Variants in MTA3 observed in about 807,000 individuals in gnomAD.
The protein encoded by MTA3 is metastasis associated 1 family member 3, also known as metastasis-associated protein MTA3.
MTA3 carries 34 observed loss-of-function variants against 83.5 expected under a neutral mutation model. The observed-to-expected ratio is 0.41, with a 90% CI of 0.31 to 0.54. The LOEUF is 0.54. MTA3 is among the 20% of genes least tolerant of loss of function. The probability of loss-of-function intolerance (pLI) is 0.33; values close to 1 mark genes in which losing one functional copy is unlikely to be tolerated. For synonymous variants in MTA3, 303 were observed against 252.7 expected (o/e 1.20, Z -1.89); for missense variants, 761 against 726.4 (o/e 1.05, Z -0.55).
intron 1 of MTA3, among the ~76,000 whole-genome samples, 193 bp downstream of exon 1, chr2:42,568,966 C>G (rs1678142930): frequency 6.6e-6 from 1 of 151,502 alleles, no homozygotes; most frequent in Non-Finnish European, 1.5e-5. Flanking sequence ...CACGCGGGCT[C>G]GCGAGGGCCC....
chr2:42,682,571 T>C lies in MTA3; in HGVS notation c.873T>C (p.Asn291=). The part of the protein sequence containing the change: ...EALEKYGKDF[N]DIRQDFLPWK... The stretch of plus-strand genomic sequence containing the variant: ...TGGAAAAATATGGCAAAGACTTCAA[T>C]GACATACGGCAAGATTTTGTAAGTA... Residue 291 remains asparagine, a synonymous_variant, in exon 9 of 17, where the codon AAT becomes AAC. Transcript: ENST00000405094. 1 of 1,611,446 alleles carries C rather than the reference T, an allele frequency of 6.2e-7. No homozygotes were observed. The highest frequency in any genetic ancestry group is 8.5e-7 in the Non-Finnish European group (1 of 1,178,812).
intron 3 of MTA3, among the ~76,000 whole-genome samples, chr2:42,594,728 A>ATATATATATATTTTTTTTTTT: frequency 5.0e-4 from 12 of 24,044 alleles, no homozygotes; most frequent in African/African-American, 1.8e-3. Flanking sequence ...ATATATATAT[A>ATATATATATATTTTTTTTTTT]TTTTTTTTTT....
chr2:42,741,291 G>A (rs1245519914), intron 16 of MTA3, among the ~76,000 whole-genome samples: 3 of 152,174 alleles, frequency 2.0e-5, no homozygotes, highest in Non-Finnish European at 4.4e-5. Context: ...TTGTATTCAG[G>A]CCACTTTCTC....
At chr2:42,553,438 A>AAG (rs397736310) in intron 2 of MTA3, among the ~76,000 whole-genome samples, 4 of 146,240 alleles carry the variant, frequency 2.7e-5, no homozygotes, top group Admixed American at 6.9e-5. Flanking sequence ...AAAAAAAAAA[A>AAG]TTAGGCTGGG....
At chr2:42,632,376 C>T (rs917879213) in intron 4 of MTA3, among the ~76,000 whole-genome samples, 1 of 152,140 alleles carries the variant, frequency 6.6e-6, no homozygotes, top group East Asian at 1.9e-4. Flanking sequence ...AGGCTTGAGC[C>T]ACCGCGCCCA....
chr2:42,747,974 C>T (rs1175810154), intron 16 of MTA3, among the ~76,000 whole-genome samples: 3 of 152,224 alleles, frequency 2.0e-5, no homozygotes, highest in South Asian at 4.1e-4. Flanking sequence ...ACCTCACCCC[C>T]AGGTGACCAC....
At chr2:42,627,135 G>A (rs1686182499) in intron 4 of MTA3, among the ~76,000 whole-genome samples, 2 of 152,022 alleles carry the variant, frequency 1.3e-5, no homozygotes, top group Admixed American at 1.3e-4. Context: ...GGAGTGCAGT[G>A]GCACGATTCG....
At chr2:42,530,578 G>GT (rs1443485925) in intron 2 of MTA3, among the ~76,000 whole-genome samples, 1 of 151,830 alleles carries the variant, frequency 6.6e-6, no homozygotes, top group Non-Finnish European at 1.5e-5. Context: ...GAGGTCGGGA[G>GT]TTTGAGACCA....
chr2:42,605,112 T>C (rs376829591), intron 3 of MTA3, among the ~76,000 whole-genome samples: 2,405 of 146,394 alleles, frequency 0.016, 31 homozygotes, highest in African/African-American at 0.059. Context: ...ACCTCCCAGA[T>C]GGGGTGGTGG....
chr2:42,694,953 A>G (rs1421905704), intron 9 of MTA3, among the ~76,000 whole-genome samples: 5 of 152,082 alleles, frequency 3.3e-5, no homozygotes, highest in Non-Finnish European at 7.4e-5. Context: ...AGCCTGGGCA[A>G]CATAGGGAGA....
intron 3 of MTA3, among the ~76,000 whole-genome samples, chr2:42,601,618 G>C (rs1056591520): frequency 9.2e-5 from 14 of 152,176 alleles, no homozygotes; most frequent in Admixed American, 4.6e-4. Flanking sequence ...GAACTTCCAG[G>C]CTCAAGGGAT....
chr2:42,627,585 A>G (rs1454565609), intron 4 of MTA3, among the ~76,000 whole-genome samples: 2 of 151,592 alleles, frequency 1.3e-5, no homozygotes, highest in Non-Finnish European at 2.9e-5. Context: ...TAAATTTGAA[A>G]CGGAGTCTCG....
chr2:42,562,546 C>T (rs375936451), intron 2 of MTA3, among the ~76,000 whole-genome samples: 13 of 152,254 alleles, frequency 8.5e-5, no homozygotes, highest in African/African-American at 3.1e-4. Flanking sequence ...AGGCCATTCC[C>T]CCTTGGTTTC....
chr2:42,595,666 T>C (rs572691286), intron 3 of MTA3, among the ~76,000 whole-genome samples: 4 of 152,308 alleles, frequency 2.6e-5, no homozygotes, highest in Middle Eastern at 3.4e-3. Flanking sequence ...CTTCTTTCCT[T>C]GTCCTCTACC....
chr2:42,520,716 C>T (rs1240900224), intron 2 of MTA3, among the ~76,000 whole-genome samples: 3 of 152,038 alleles, frequency 2.0e-5, no homozygotes, highest in Non-Finnish European at 4.4e-5. Context: ...CAGGTGTGCA[C>T]CACCACACCG....
At chr2:42,547,133 G>A (rs570346697) in intron 2 of MTA3, among the ~76,000 whole-genome samples, 1 of 152,234 alleles carries the variant, frequency 6.6e-6, no homozygotes, top group East Asian at 1.9e-4. Flanking sequence ...TAGGTCTAGG[G>A]TGGAGTCTGG....
intron 2 of MTA3, among the ~76,000 whole-genome samples, chr2:42,562,330 AG>A (rs1177298352): frequency 6.6e-6 from 1 of 152,088 alleles, no homozygotes; most frequent in Non-Finnish European, 1.5e-5. Flanking sequence ...ATCATCTTAG[AG>A]GCAAGAGGGT....
chr2:42,562,981 C>T (rs923238953), intron 2 of MTA3, among the ~76,000 whole-genome samples: 11 of 152,242 alleles, frequency 7.2e-5, no homozygotes, highest in African/African-American at 2.4e-4. Context: ...AGCCTTGTCA[C>T]CACCCTTTCA....
At chr2:42,715,401 A>G (rs1303537645) in intron 14 of MTA3, among the ~76,000 whole-genome samples, 2 of 136,244 alleles carry the variant, frequency 1.5e-5, no homozygotes, top group Non-Finnish European at 3.0e-5. Context: ...TCTTGCCACC[A>G]ACTACTTTTT....
Sources: allele counts gnomAD v4.1 joint callset (sites outside exome capture counted in the v4.1 genomes callset), GRCh38; gene constraint gnomAD v4.1.1; transcripts MANE v1.5; gene names NCBI Gene and HGNC (gene_info 2026-07-23, HGNC 2026-07-21).